ZNF516: variants seen among roughly 807,000 people sequenced by gnomAD.
ZNF516 encodes the protein zinc finger protein 516.
In ZNF516, 19 loss-of-function variants were observed where a neutral mutation model predicts 79.7. The ratio of observed to expected loss-of-function variants is 0.24; its 90% CI spans 0.17 to 0.35. The LOEUF (loss-of-function observed/expected upper bound fraction) is 0.35. ZNF516 is among the 10% of genes least tolerant of loss of function. The pLI, the probability that ZNF516 is intolerant of heterozygous loss-of-function variation, is 1.00. For missense variants in ZNF516, 1,678 were observed against 1,679.5 expected (o/e 1.00, Z 0.02); for synonymous variants, 877 against 739.5 (o/e 1.19, Z -3.02).
intron 3 of ZNF516, chr18:76,385,906 T>TC (rs2074984513): frequency 6.6e-6 from 1 of 152,168 alleles, no homozygotes; most frequent in Non-Finnish European, 1.5e-5. Flanking sequence ...TGACAGTGCA[T>TC]CCTCCGGCCA....
At chr18:76,423,859 A>T (rs1303412335) in intron 3 of ZNF516, among the ~76,000 whole-genome samples, 1 of 126,608 alleles carries the variant, frequency 7.9e-6, no homozygotes, top group Non-Finnish European at 1.6e-5. Context: ...AGGCTCCCCC[A>T]AAACACACAC....
At chr18:76,426,834 A>G (rs952068338) in intron 3 of ZNF516, among the ~76,000 whole-genome samples, 3 of 152,202 alleles carry the variant, frequency 2.0e-5, no homozygotes, top group Non-Finnish European at 2.9e-5. Context: ...CAAAAACCCA[A>G]TCCTCCAGGG....
chr18:76,379,759 G>A lies in ZNF516; in HGVS notation c.2355C>T (p.Val785=). The A allele has an allele frequency of 6.2e-7, 1 of 1,613,940 alleles. No homozygotes were observed. Among genetic ancestry groups the A allele is most frequent in the East Asian group, 2.2e-5 (1 of 44,874 alleles). Residue 785 remains valine, a synonymous_variant, in exon 4 of 7, where the codon GTC becomes GTT. Coordinates refer to ENST00000443185, the MANE Select transcript of ZNF516 (RefSeq NM_014643.4). ...LWMHKRIWHR[V]SCNSVAPPWI... is the part of the protein sequence containing the mutation. ...ACGGGGGAGCCACGGAGTTGCAGCT[G>A]ACGCGGTGCCAGATGCGTTTGTGCA...
intron 2 of ZNF516, among the ~76,000 whole-genome samples, chr18:76,450,189 G>GGCA (rs917792719): frequency 7.0e-6 from 1 of 142,646 alleles, no homozygotes; most frequent in Non-Finnish European, 1.5e-5. Flanking sequence ...ACTAAAGGGG[G>GGCA]GGGGGTGTTT....
At chr18:76,484,246 T>C (rs36124222) in intron 1 of ZNF516, among the ~76,000 whole-genome samples, 55,895 of 152,116 alleles carry the variant, frequency 0.37, 10,786 homozygotes, top group Non-Finnish European at 0.43. Flanking sequence ...GGCTCAGTTA[T>C]TAAATCTTTC....
At chr18:76,476,532 T>G (rs1436822845) in intron 1 of ZNF516, among the ~76,000 whole-genome samples, 1 of 152,232 alleles carries the variant, frequency 6.6e-6, no homozygotes, top group Non-Finnish European at 1.5e-5. Flanking sequence ...TCTTAGCTAC[T>G]GGAATTCCTC....
chr18:76,412,277 T>C (rs1393593277), intron 3 of ZNF516, among the ~76,000 whole-genome samples: 1 of 152,208 alleles, frequency 6.6e-6, no homozygotes, highest in African/African-American at 2.4e-5. Context: ...ACCCTGGCGA[T>C]GCTCTCCTTC....
chr18:76,418,311 A>G (rs1394026718), intron 3 of ZNF516, among the ~76,000 whole-genome samples: 1 of 152,160 alleles, frequency 6.6e-6, no homozygotes, highest in Non-Finnish European at 1.5e-5. Flanking sequence ...ACGCTGTAAC[A>G]TGCTGTAACA....
intron 3 of ZNF516, among the ~76,000 whole-genome samples, chr18:76,419,150 TTC>T (rs142565834): frequency 1.1e-4 from 17 of 152,350 alleles, no homozygotes; most frequent in African/African-American, 4.1e-4. Flanking sequence ...CATCCCCACT[TTC>T]TGAGACCCTG....
At chr18:76,490,290 G>A (rs759543916) in intron 1 of ZNF516, 38 of 685,646 alleles carry the variant, frequency 5.5e-5, no homozygotes, top group Non-Finnish European at 6.3e-5. Flanking sequence ...TTTTACTAAG[G>A]GGGGGCGAGG....
At chr18:76,496,209 C>T (rs887239062), upstream of ZNF516, 11 of 1,219,664 alleles carry the variant, frequency 9.0e-6, no homozygotes, top group African/African-American at 1.6e-5. Context: ...GCGAGCGCCC[C>T]TTCACGGCCG....
In ZNF516 at chr18:76,358,391, A is replaced by G. The variant is rs543936527; in HGVS notation, c.*4107T>C. 8.5e-5 allele frequency: 13 copies of G among 152,374 alleles called. 1 individual carries two copies. The highest frequency in any genetic ancestry group is 3.3e-4 in the Admixed American group (5 of 15,312). 9.4% of individuals were successfully genotyped at this position (152,374 alleles called of 1,614,324 possible). A position where few individuals can be genotyped will look rare whatever the true frequency, so the allele number is the denominator to read the frequency against. On this transcript the variant is annotated 3_prime_UTR_variant, in exon 7 of 7. Transcript: ENST00000443185. ...TTTTAAAAAAAGAAATACAAATTCT[A>G]TGGTCTTTTGCATTTTACTGCCTCA...
intron 3 of ZNF516, among the ~76,000 whole-genome samples, chr18:76,411,618 A>G (rs1356871820): frequency 6.6e-6 from 1 of 152,206 alleles, no homozygotes; most frequent in Non-Finnish European, 1.5e-5. Context: ...GATGTGTTGA[A>G]AACACCACAA....
chr18:76,478,866 G>A (rs1412515930), intron 1 of ZNF516, among the ~76,000 whole-genome samples: 1 of 152,068 alleles, frequency 6.6e-6, no homozygotes, highest in Non-Finnish European at 1.5e-5. Flanking sequence ...GACCAGCCTG[G>A]CCAACATGGC....
At chr18:76,364,267 G>T (rs2074582269) in intron 6 of ZNF516, among the ~76,000 whole-genome samples, 1 of 152,120 alleles carries the variant, frequency 6.6e-6, no homozygotes, top group Non-Finnish European at 1.5e-5. Flanking sequence ...TTTTAAGATA[G>T]TTGCTTTAAG....
chr18:76,447,072 G>A (rs140162421), intron 2 of ZNF516, among the ~76,000 whole-genome samples: 5 of 152,252 alleles, frequency 3.3e-5, no homozygotes, highest in Admixed American at 6.5e-5. Context: ...TCCCTGCAAC[G>A]AACTCTCCTA....
intron 2 of ZNF516, 43 bp from the exon 3 acceptor site, chr18:76,443,254 G>A (rs538642354): frequency 1.7e-5 from 13 of 764,524 alleles, no homozygotes; most frequent in African/African-American, 5.3e-5. Context: ...TCCTGGCTAA[G>A]AGGGCACAGG....
At chr18:76,481,898 A>G (rs1220547721) in intron 1 of ZNF516, among the ~76,000 whole-genome samples, 1 of 152,218 alleles carries the variant, frequency 6.6e-6, no homozygotes, top group Non-Finnish European at 1.5e-5. Flanking sequence ...AGTAATTCAA[A>G]AAGTAGCTCT....
intron 2 of ZNF516, among the ~76,000 whole-genome samples, chr18:76,449,963 T>C (rs1221200070): frequency 6.6e-6 from 1 of 152,204 alleles, no homozygotes; most frequent in Non-Finnish European, 1.5e-5. Flanking sequence ...TCAAACATAT[T>C]GTAGCTCCAG....
Sources: allele counts gnomAD v4.1 joint callset (sites outside exome capture counted in the v4.1 genomes callset), GRCh38; gene constraint gnomAD v4.1.1; transcripts MANE v1.5; gene names NCBI Gene and HGNC (gene_info 2026-07-23, HGNC 2026-07-21).